The following KIAA0586 variants were observed in gnomAD, a reference collection of about 807,000 sequenced individuals.
KIAA0586 encodes the protein KIAA0586, also known as protein TALPID3.
Under a neutral mutation model 169.8 loss-of-function variants are expected in KIAA0586, and 144 were observed. That is an observed-to-expected ratio of 0.85 (90% confidence interval 0.74 to 0.97). The LOEUF is 0.97. Ranked by LOEUF, KIAA0586 falls within the 50% of genes least tolerant of loss-of-function variation. The pLI is 0.00. For missense variants in KIAA0586, 1,854 were observed against 1,823.0 expected (o/e 1.02, Z -0.31); for synonymous variants, 625 against 612.4 (o/e 1.02, Z -0.30).
At chr14:58,527,723 GA>G (rs2045689555) in intron 29 of KIAA0586, among the ~76,000 whole-genome samples, 1 of 152,198 alleles carries the variant, frequency 6.6e-6, no homozygotes, top group African/African-American at 2.4e-5. Context: ...ACATGGCAAG[GA>G]AAAACTTGCA....
intron 11 of KIAA0586, 144 bp from the exon 12 acceptor site, chr14:58,458,329 A>G (rs2040042574): frequency 3.5e-6 from 2 of 576,782 alleles, no homozygotes; most frequent in Non-Finnish European, 6.1e-6. Flanking sequence ...TTAGGCCCCC[A>G]TTCTACTATC....
intron 18 of KIAA0586, among the ~76,000 whole-genome samples, chr14:58,473,208 T>C (rs1194412911): frequency 6.6e-6 from 1 of 151,954 alleles, no homozygotes; most frequent in Non-Finnish European, 1.5e-5. Context: ...AAAGTGTTTT[T>C]GATTGAATTA....
intron 16 of KIAA0586, among the ~76,000 whole-genome samples, chr14:58,468,219 G>GT (rs1189089526): frequency 6.6e-6 from 1 of 151,650 alleles, no homozygotes; most frequent in Non-Finnish European, 1.5e-5. Flanking sequence ...CTAATTTTTT[G>GT]TATTTTTTTT....
chr14:58,457,362 G>A (rs558034821), intron 10 of KIAA0586, among the ~76,000 whole-genome samples: 46 of 152,120 alleles, frequency 3.0e-4, no homozygotes, highest in African/African-American at 9.2e-4. Context: ...TCCACCTCCC[G>A]GTTCAAGCAA....
Position 58,488,807 on chromosome 14 carries a change from A to G in KIAA0586, c.3714A>G (p.Glu1238=). 2.5e-6 allele frequency: 4 copies of G among 1,613,948 alleles called. No individual in the cohort carries two copies. The highest frequency in any genetic ancestry group is 3.4e-6 in the Non-Finnish European group (4 of 1,179,844). The part of the protein sequence containing the change: ...STLSVTVTET[E]TLDKPISEGE... ...TGAGTGTTACTGTCACTGAAACTGA[A>G]ACTTTAGATAAACCCATCTCTGAAG... Residue 1238 remains glutamate (E), a synonymous_variant, in exon 24 of 31, where the codon GAA becomes GAG. Coordinates refer to ENST00000652326, the MANE Select transcript of KIAA0586 (RefSeq NM_001329943.3).
intron 4 of KIAA0586, among the ~76,000 whole-genome samples, chr14:58,437,729 A>T (rs906855413): frequency 2.0e-4 from 25 of 127,860 alleles, no homozygotes; most frequent in African/African-American, 7.4e-4. Context: ...AAAAAAAAAA[A>T]GGCCAAGTTC....
chr14:58,475,105 T>C (rs977906317), intron 19 of KIAA0586, among the ~76,000 whole-genome samples: 5 of 152,222 alleles, frequency 3.3e-5, no homozygotes, highest in Admixed American at 6.5e-5. Flanking sequence ...GAAGTAATTA[T>C]GGTTTGCTGC....
At chr14:58,488,263 A>G in intron 23 of KIAA0586, 154 bp downstream of exon 23, 1 of 677,060 alleles carries the variant, frequency 1.5e-6, no homozygotes, top group Non-Finnish European at 2.4e-6. Flanking sequence ...TTGAGTTTTG[A>G]AAAATTATCA....
intron 27 of KIAA0586, 72 bp from the exon 28 acceptor site, chr14:58,508,481 GTC>G (rs2044157207): frequency 4.2e-6 from 5 of 1,198,642 alleles, no homozygotes; most frequent in African/African-American, 1.5e-5. Context: ...GGTGGTTTTA[GTC>G]AACTACTTGT....
chr14:58,539,392 G>A (rs1405844468), intron 29 of KIAA0586, among the ~76,000 whole-genome samples: 1 of 152,032 alleles, frequency 6.6e-6, no homozygotes, highest in Non-Finnish European at 1.5e-5. Flanking sequence ...AGTTATAGAA[G>A]GTTGTTAATT....
rs200405048 is a variant in KIAA0586, at chr14:58,508,701, T to G, written c.4315T>G (p.Phe1439Val). ...TAATTTACCAGTAGCCGCTGAAGATTTTTCCCAGGTACCAAATTAATAGCA... is the reference window on the plus strand; with the variant it reads ...TAATTTACCAGTAGCCGCTGAAGATGTTTCCCAGGTACCAAATTAATAGCA... Reference protein sequence around the residue: ...DVNLPVAAEDFSQYQLKQNQD... With the variant: ...DVNLPVAAEDVSQYQLKQNQD... The change falls in exon 28 of 31, where the codon TTT (phenylalanine) becomes GTT (valine). Residue 1439 changes from phenylalanine (F) to valine (V), a missense_variant. Coordinates refer to ENST00000652326, the MANE Select transcript of KIAA0586 (RefSeq NM_001329943.3). The G allele has an allele frequency of 2.4e-4, 386 of 1,583,188 alleles. 2 individuals carry two copies. Among genetic ancestry groups the G allele is most frequent in the Non-Finnish European group, 3.2e-4 (376 of 1,163,500 alleles).
chr14:58,552,037 G>A (rs1417075376), downstream of KIAA0586, among the ~76,000 whole-genome samples: 2 of 152,136 alleles, frequency 1.3e-5, no homozygotes, highest in African/African-American at 2.4e-5. Flanking sequence ...GTCACCTCAG[G>A]ATTTGTCATT....
Position 58,547,810 on chromosome 14 carries a change from C to T in KIAA0586, c.4525C>T (p.Gln1509Ter). 6.2e-7 allele frequency: 1 copy of T among 1,613,650 alleles called. No homozygotes were observed. Among genetic ancestry groups the T allele is most frequent in the Non-Finnish European group, 8.5e-7 (1 of 1,179,648 alleles). ...GGKAVPLSAS[Q>*]MPPAKMSVML... ...GAAAGCAGTGCCACTCTCCGCTTCACAGATGCCCCCTGCCAAGATGTCAGT... is the reference window on the plus strand; with the variant it reads ...GAAAGCAGTGCCACTCTCCGCTTCATAGATGCCCCCTGCCAAGATGTCAGT... Residue 1509 changes from glutamine to a stop codon, truncating the protein, a stop_gained, in exon 31 of 31, where the codon CAG (glutamine) becomes TAG (stop). Transcript: ENST00000652326. LOFTEE classifies it low-confidence loss of function (END_TRUNC).
chr14:58,507,625 G>C (rs960352070), intron 27 of KIAA0586, among the ~76,000 whole-genome samples: 1 of 151,802 alleles, frequency 6.6e-6, no homozygotes, highest in Non-Finnish European at 1.5e-5. Flanking sequence ...CTATCTTACA[G>C]AATGATTGTA....
At chr14:58,460,451 A>G (rs369223763) in intron 13 of KIAA0586, among the ~76,000 whole-genome samples, 23 of 152,112 alleles carry the variant, frequency 1.5e-4, no homozygotes, top group African/African-American at 5.5e-4. Context: ...TGCCTAGTAT[A>G]TGCAAGGCGT....
chr14:58,511,283 G>A (rs1188885349), intron 28 of KIAA0586, among the ~76,000 whole-genome samples: 1 of 152,142 alleles, frequency 6.6e-6, no homozygotes, highest in Non-Finnish European at 1.5e-5. Context: ...GGGACTTATG[G>A]TTAGTAATAA....
intron 29 of KIAA0586, among the ~76,000 whole-genome samples, chr14:58,529,691 T>C (rs1253824421): frequency 6.6e-6 from 1 of 152,156 alleles, no homozygotes; most frequent in Admixed American, 6.6e-5. Context: ...AAACTATCTA[T>C]TGATGAAACA....
downstream of KIAA0586, among the ~76,000 whole-genome samples, chr14:58,556,041 T>C (rs1427321678): frequency 1.3e-5 from 2 of 152,210 alleles, no homozygotes; most frequent in East Asian, 3.8e-4. Context: ...TTCAATGTCT[T>C]TACCATTTTT....
intron 27 of KIAA0586, among the ~76,000 whole-genome samples, chr14:58,507,253 C>CATACGTATGATTTATATATAAATCAT (rs10683337): frequency 6.9e-6 from 1 of 144,526 alleles, no homozygotes. Context: ...ATATATAAAT[C>CATACGTATGATTTATATATAAATCAT]ATGTATGATT....
Sources: gnomAD v4.1 joint callset for allele counts (sites outside exome capture counted in the v4.1 genomes callset) on GRCh38, gnomAD v4.1.1 for gene constraint, MANE v1.5 for transcripts, NCBI Gene and HGNC (gene_info 2026-07-23, HGNC 2026-07-21) for gene names.